The following ANAPC1 variants were observed in gnomAD, a reference collection of about 807,000 sequenced individuals.
The protein encoded by ANAPC1 is anaphase promoting complex subunit 1.
Under a neutral mutation model 208.0 loss-of-function variants are expected in ANAPC1, and 36 were observed. The ratio of observed to expected loss-of-function variants is 0.17; its 90% CI spans 0.13 to 0.23. The LOEUF (loss-of-function observed/expected upper bound fraction) is 0.23, where lower values mean the gene tolerates loss of function less well. Ranked by LOEUF, ANAPC1 falls within the 10% of genes least tolerant of loss-of-function variation. The pLI, the probability that ANAPC1 is intolerant of heterozygous loss-of-function variation, is 1.00. For missense variants in ANAPC1, 942 were observed against 2,011.6 expected (o/e 0.47, Z 10.17); for synonymous variants, 378 against 695.2 (o/e 0.54, Z 7.18).
At chr2:111,845,060 C>A (rs1406467403) in intron 16 of ANAPC1, among the ~76,000 whole-genome samples, 3 of 152,178 alleles carry the variant, frequency 2.0e-5, no homozygotes, top group Non-Finnish European at 4.4e-5. Flanking sequence ...GTTGTCCAAG[C>A]TGGTCTCAAA....
At position 111,847,759 on chromosome 2, in the gene ANAPC1, G is replaced by T; in HGVS notation, c.1757C>A (p.Ser586Tyr). Reference protein sequence around the residue: ...TFQQLGTYIHSIRDPVHNRVT... With the variant: ...TFQQLGTYIHYIRDPVHNRVT... ...TCTGTTATGGACAGGATCTCTGATA[G>T]AATGAATGTAAGTTCCAAGCTGTTG... Residue 586 changes from serine to tyrosine, a missense_variant, in exon 15 of 48, where the codon TCT becomes TAT. Ser to Tyr is a moderately radical substitution (Grantham distance 144). Coordinates refer to ENST00000341068, the MANE Select transcript of ANAPC1 (RefSeq NM_022662.4). The T allele has an allele frequency of 6.2e-7, 1 of 1,605,784 alleles. No individual in the cohort carries two copies. The highest frequency in any genetic ancestry group is 8.5e-7 in the Non-Finnish European group (1 of 1,176,480).
At chr2:111,777,261 A>C (rs1010110168) in intron 45 of ANAPC1, among the ~76,000 whole-genome samples, 16 of 152,194 alleles carry the variant, frequency 1.1e-4, no homozygotes, top group Admixed American at 9.2e-4. Flanking sequence ...ATATGGCCCT[A>C]CATGAGCAGC....
chr2:111,794,706 T>C (rs6541882), intron 35 of ANAPC1, 112 bp downstream of exon 35: 26,715 of 1,369,672 alleles, frequency 0.02, 820 homozygotes, highest in African/African-American at 0.14. Context: ...GTTAGAAATA[T>C]GTGGGATTCA....
intron 3 of ANAPC1, among the ~76,000 whole-genome samples, chr2:111,876,929 TAAGAA>T (rs1438811218): frequency 6.6e-6 from 1 of 152,118 alleles, no homozygotes; most frequent in Non-Finnish European, 1.5e-5. Context: ...AAATTTTCAG[TAAGAA>T]AAGTTGAAAT....
chr2:111,879,999 A>G (rs1401832004), intron 2 of ANAPC1, among the ~76,000 whole-genome samples: 1 of 152,240 alleles, frequency 6.6e-6, no homozygotes, highest in African/African-American at 2.4e-5. Context: ...ATAACATGAA[A>G]TCTGGTCCCC....
intron 29 of ANAPC1, among the ~76,000 whole-genome samples, chr2:111,807,227 GA>G (rs1180904948): frequency 4.4e-5 from 5 of 113,158 alleles, no homozygotes; most frequent in East Asian, 2.3e-4. Context: ...AAAAATTAAA[GA>G]AAAAAATCAC....
chr2:111,865,987 C>T (rs1682385079), intron 7 of ANAPC1: 2 of 184,826 alleles, frequency 1.1e-5, no homozygotes, highest in Admixed American at 6.3e-5. Flanking sequence ...AGGCGGCTCA[C>T]GAGGTCAGGA....
intron 9 of ANAPC1, among the ~76,000 whole-genome samples, chr2:111,862,928 A>C (rs546852628): frequency 6.6e-6 from 1 of 152,262 alleles, no homozygotes; most frequent in African/African-American, 2.4e-5. Context: ...TTTATCAACA[A>C]AACAATGTCC....
chr2:111,855,631 T>C (rs1165465700), intron 13 of ANAPC1, among the ~76,000 whole-genome samples: 1 of 152,144 alleles, frequency 6.6e-6, no homozygotes, highest in Non-Finnish European at 1.5e-5. Flanking sequence ...TTTTTTTATA[T>C]AAAAATTCAA....
chr2:111,835,516 G>T (rs967596428), intron 18 of ANAPC1, among the ~76,000 whole-genome samples: 1 of 152,090 alleles, frequency 6.6e-6, no homozygotes, highest in Non-Finnish European at 1.5e-5. Flanking sequence ...AAAAATTCTT[G>T]GACTAGATAC....
At chr2:111,836,639 CCT>C (rs1293821690) in intron 18 of ANAPC1, among the ~76,000 whole-genome samples, 1 of 150,256 alleles carries the variant, frequency 6.7e-6, no homozygotes, top group Non-Finnish European at 1.5e-5. Context: ...AGAGTGACAC[CCT>C]GTCTCTTAAA....
chr2:111,791,756 T>C (rs531867410), intron 38 of ANAPC1, among the ~76,000 whole-genome samples: 43 of 151,794 alleles, frequency 2.8e-4, no homozygotes, highest in Non-Finnish European at 6.0e-4. Context: ...AAGATAATAG[T>C]GATTGAGAGG....
In ANAPC1 at chr2:111,880,839, C is replaced by T; in HGVS notation, c.-14G>A. On this transcript the variant is annotated 5_prime_UTR_variant, in exon 2 of 48. Transcript: ENST00000341068. The stretch of plus-strand genomic sequence containing the variant: ...GAAGTTCGACATGGGTTCCAAATAT[C>T]AACATTATTTCTGTATGAATTCAAA... The T allele has an allele frequency of 1.9e-6, 3 of 1,613,352 alleles. No homozygotes were observed. The highest frequency in any genetic ancestry group is 2.5e-6 in the Non-Finnish European group (3 of 1,179,600).
chr2:111,876,764 G>T (rs1165970722), intron 3 of ANAPC1, among the ~76,000 whole-genome samples: 1 of 152,136 alleles, frequency 6.6e-6, no homozygotes, highest in Non-Finnish European at 1.5e-5. Context: ...ATAGTTAACG[G>T]TAGGCGGGAG....
intron 21 of ANAPC1, among the ~76,000 whole-genome samples, chr2:111,826,576 AC>A (rs1382546327): frequency 6.6e-6 from 1 of 152,080 alleles, no homozygotes; most frequent in East Asian, 1.9e-4. Flanking sequence ...ATACAGACAT[AC>A]CAAACTTTGT....
At chr2:111,767,545 T>C, downstream of ANAPC1, 1 of 155,538 alleles carries the variant, frequency 6.4e-6, no homozygotes. Context: ...AGTCTTTCTG[T>C]CCTCTCTCTT....
chr2:111,858,479 G>A (rs1161864294), intron 10 of ANAPC1, 78 bp from the exon 11 acceptor site: 265 of 1,258,424 alleles, frequency 2.1e-4, no homozygotes, highest in Non-Finnish European at 2.8e-4. Flanking sequence ...AAGTCTTTGA[G>A]GCCGGGCGCG....
At chr2:111,881,940 T>C (rs1394850666) in intron 1 of ANAPC1, among the ~76,000 whole-genome samples, 4 of 152,198 alleles carry the variant, frequency 2.6e-5, no homozygotes, top group Admixed American at 1.3e-4. Flanking sequence ...ATCCCAGCAC[T>C]GTGGGAGGCC....
At position 111,847,147 on chromosome 2, in the gene ANAPC1, A is replaced by C. The variant is rs370589531; in HGVS notation, c.1843T>G (p.Ser615Ala). Residue 615 changes from serine to alanine, a missense_variant, in exon 16 of 48, where the codon TCT becomes GCT. Coordinates refer to ENST00000341068, the MANE Select transcript of ANAPC1 (RefSeq NM_022662.4). ...AACTTCTCAATCGTACCTAACTCAG[A>C]GGTGGCAATTTCAGGAATAGTGATC... ...VRITIPEIAT[S>A]ELVQTCLQAI... 6.2e-7 allele frequency: 1 copy of C among 1,609,060 alleles called. No homozygotes were observed. The highest frequency in any genetic ancestry group is 1.3e-5 in the African/African-American group (1 of 74,790).
Sources: gnomAD v4.1 joint callset for allele counts (sites outside exome capture counted in the v4.1 genomes callset) on GRCh38, gnomAD v4.1.1 for gene constraint, MANE v1.5 for transcripts, NCBI Gene and HGNC (gene_info 2026-07-23, HGNC 2026-07-21) for gene names.